Variants in RB1 observed in about 807,000 individuals in gnomAD.
RB1 encodes RB transcriptional corepressor 1, also known as retinoblastoma-associated protein.
A neutral mutation model predicts 135.4 loss-of-function variants in RB1; 18 were observed. The ratio of observed to expected loss-of-function variants is 0.13; its 90% confidence interval spans 0.09 to 0.20. RB1 has a LOEUF of 0.20. Ranked by LOEUF, RB1 falls within the 10% of genes least tolerant of loss-of-function variation. RB1 has a pLI of 1.00. For missense variants in RB1, 868 were observed against 1,110.0 expected (o/e 0.78, Z 3.10); for synonymous variants, 365 against 373.2 (o/e 0.98, Z 0.25).
At chr13:48,405,007 A>T (rs1309920145) in intron 17 of RB1, among the ~76,000 whole-genome samples, 2 of 152,196 alleles carry the variant, frequency 1.3e-5, no homozygotes, top group Non-Finnish European at 2.9e-5. Context: ...GCAAGGACTC[A>T]GAATGTTTAT....
chr13:48,480,898 T>A lies in RB1; in HGVS notation c.*827T>A, dbSNP rs1949534772. 1 of 228,488 alleles carries A rather than the reference T, an allele frequency of 4.4e-6. No individual in the cohort carries two copies. The highest frequency in any genetic ancestry group is 2.2e-5 in the African/African-American group (1 of 45,118). 14.2% of individuals were successfully genotyped at this position (228,488 alleles called of 1,614,324 possible). On this transcript the variant is annotated 3_prime_UTR_variant, in exon 27 of 27. Coordinates refer to ENST00000267163, the MANE Select transcript of RB1 (RefSeq NM_000321.3). ...AGTACCCATCTAGTACTTGAAAAAG[T>A]AAAGTGTTCTGCCAGATCTTAGGTA...
intron 17 of RB1, among the ~76,000 whole-genome samples, chr13:48,448,270 A>G (rs1949302970): frequency 6.6e-6 from 1 of 152,200 alleles, no homozygotes; most frequent in Non-Finnish European, 1.5e-5. Context: ...TAATGAATAT[A>G]GGAAAAGATG....
At chr13:48,434,772 C>T (rs192256715) in intron 17 of RB1, among the ~76,000 whole-genome samples, 106 of 152,314 alleles carry the variant, frequency 7.0e-4, no homozygotes, top group Non-Finnish European at 1.3e-3. Context: ...GCTAATCTGC[C>T]CTTCAATTCT....
At chr13:48,395,137 A>T (rs1428697154) in intron 17 of RB1, among the ~76,000 whole-genome samples, 1 of 152,180 alleles carries the variant, frequency 6.6e-6, no homozygotes, top group African/African-American at 2.4e-5. Context: ...AAACTCCAGC[A>T]CACCTGCAGC....
chr13:48,407,934 C>A (rs1347426661), intron 17 of RB1, among the ~76,000 whole-genome samples: 2 of 152,100 alleles, frequency 1.3e-5, no homozygotes, highest in Non-Finnish European at 2.9e-5. Flanking sequence ...AGTGATGCTT[C>A]TTCTTGGAAA....
At chr13:48,436,204 C>A (rs1949181914) in intron 17 of RB1, among the ~76,000 whole-genome samples, 1 of 152,102 alleles carries the variant, frequency 6.6e-6, no homozygotes, top group African/African-American at 2.4e-5. Context: ...GAAATGAGTT[C>A]ATGTTAATGT....
chr13:48,412,264 T>C (rs778950168), intron 17 of RB1: 2 of 1,614,024 alleles, frequency 1.2e-6, no homozygotes, highest in Non-Finnish European at 1.7e-6. Context: ...ATCATGTAAG[T>C]TGTAGTTTCA....
chr13:48,325,509 C>T (rs1006435585), intron 2 of RB1, among the ~76,000 whole-genome samples: 3 of 152,106 alleles, frequency 2.0e-5, no homozygotes, highest in Admixed American at 6.6e-5. Context: ...AAGATTCAAA[C>T]GAAAGAAAAG....
At position 48,459,886 on chromosome 13, in the gene RB1, ATTCT is replaced by A. The variant is rs756876412; in HGVS notation, c.2106+116_2106+119del. 1.9e-3 allele frequency: 1,867 copies of A among 1,007,010 alleles called. 99 individuals carry two copies. In the African/African-American group the frequency reaches 0.028, roughly 15 times the overall value. The allele number at this position is 1,007,010 out of a possible 1,614,324, so 62.4% of individuals were successfully genotyped here. Reference sequence around the variant, plus strand: ...CTCCTCCCTACTTACTTGTTAACTGATTCTTTCTTTCTTTCTTTCTTTCTTTCTT... The same window carrying A: ...CTCCTCCCTACTTACTTGTTAACTGATTCTTTCTTTCTTTCTTTCTTTCTT... On this transcript the variant is annotated intron_variant, in intron 20 of 26. Coordinates refer to ENST00000267163, the MANE Select transcript of RB1 (RefSeq NM_000321.3).
At chr13:48,463,236 A>G (rs1167186809) in intron 20 of RB1, among the ~76,000 whole-genome samples, 2 of 152,218 alleles carry the variant, frequency 1.3e-5, no homozygotes, top group East Asian at 1.9e-4. Flanking sequence ...AAATTCATCA[A>G]CTGAGCTTAG....
chr13:48,307,861 CAA>C (rs1286994777), intron 2 of RB1, among the ~76,000 whole-genome samples: 3 of 135,366 alleles, frequency 2.2e-5, no homozygotes, highest in Admixed American at 7.5e-5. Context: ...GAGTCTGTCT[CAA>C]AAAAAAAAAA....
chr13:48,371,851 A>G (rs935175908), intron 11 of RB1, among the ~76,000 whole-genome samples: 4 of 152,158 alleles, frequency 2.6e-5, no homozygotes, highest in African/African-American at 7.2e-5. Flanking sequence ...GTGATACAGC[A>G]GGAGGTGAGT....
chr13:48,364,786 A>G, intron 8 of RB1, 108 bp from the exon 9 acceptor site: 1 of 1,260,754 alleles, frequency 7.9e-7, no homozygotes, highest in East Asian at 2.7e-5. Context: ...CAGATTTTTT[A>G]CTGCATGGGG....
intron 2 of RB1, chr13:48,317,518 C>T (rs923882011): frequency 1.3e-5 from 6 of 445,558 alleles, no homozygotes; most frequent in African/African-American, 2.1e-5. Flanking sequence ...CCCCCCAGCA[C>T]CTCCGGCCTC....
intron 17 of RB1, among the ~76,000 whole-genome samples, chr13:48,451,928 T>C (rs567488351): frequency 6.6e-6 from 1 of 152,092 alleles, no homozygotes; most frequent in Non-Finnish European, 1.5e-5. Context: ...TTTCTGATGG[T>C]TGTTTGTATT....
chr13:48,458,079 C>T (rs971654715), intron 19 of RB1, among the ~76,000 whole-genome samples: 15 of 152,228 alleles, frequency 9.9e-5, no homozygotes, highest in African/African-American at 3.6e-4. Context: ...CACTGGGGAG[C>T]TCCTGTCCCA....
chr13:48,422,437 C>T (rs545782993), intron 17 of RB1, among the ~76,000 whole-genome samples: 172 of 152,250 alleles, frequency 1.1e-3, no homozygotes, highest in African/African-American at 3.9e-3. Flanking sequence ...ATGGGTGCAG[C>T]AAACCACCAT....
At chr13:48,409,753 G>T (rs1367706961) in intron 17 of RB1, among the ~76,000 whole-genome samples, 3 of 151,410 alleles carry the variant, frequency 2.0e-5, no homozygotes, top group East Asian at 1.9e-4. Context: ...GCTAATTTTT[G>T]TATTTTTAGT....
At chr13:48,365,443 A>T (rs1439466944) in intron 9 of RB1, among the ~76,000 whole-genome samples, 1 of 152,204 alleles carries the variant, frequency 6.6e-6, no homozygotes, top group Non-Finnish European at 1.5e-5. Flanking sequence ...AATGACTGTG[A>T]CTATTGCAGA....
Sources: gnomAD v4.1 joint callset for allele counts (sites outside exome capture counted in the v4.1 genomes callset) on GRCh38, gnomAD v4.1.1 for gene constraint, MANE v1.5 for transcripts, NCBI Gene and HGNC (gene_info 2026-07-23, HGNC 2026-07-21) for gene names.